ZNF85: variants seen among roughly 807,000 people sequenced by gnomAD.
ZNF85 encodes zinc finger protein 85 (HPF4, HTF1).
In ZNF85, 50 loss-of-function variants were observed where a neutral mutation model predicts 53.9. The observed-to-expected ratio is 0.93, with a 90% CI of 0.74 to 1.17. The LOEUF is 1.17. Among genes scored for constraint, ZNF85 ranks in the 50% most tolerant of loss-of-function variants. ZNF85 has a pLI of 0.00. For synonymous variants in ZNF85, 225 were observed against 226.1 expected (o/e 1.00, Z 0.04); for missense variants, 747 against 688.5 (o/e 1.08, Z -0.95).
At position 20,949,565 on chromosome 19, in the gene ZNF85, T is replaced by A. The variant is rs761015870; in HGVS notation, c.1051T>A (p.Phe351Ile). The A allele has an allele frequency of 1.0e-5, 16 of 1,598,242 alleles. No individual in the cohort carries two copies. Among genetic ancestry groups the A allele is most frequent in the Non-Finnish European group, 1.2e-5 (14 of 1,169,020 alleles). The change falls in exon 4 of 4, where the codon TTT (phenylalanine) becomes ATT (isoleucine). Residue 351 changes from phenylalanine to isoleucine, a missense_variant. By Grantham distance (21) the Phe-to-Ile change is conservative. Coordinates refer to ENST00000328178, the MANE Select transcript of ZNF85 (RefSeq NM_003429.5). The part of the protein sequence containing the change: ...PYKCKKCGKA[F>I]NQSAHLTTHE... ...CAAATGTAAAAAATGTGGAAAAGCC[T>A]TTAACCAGTCTGCACACCTTACCAC...
chr19:20,949,166 A>G lies in ZNF85; in HGVS notation c.652A>G (p.Thr218Ala). 1 of 1,613,570 alleles carries G rather than the reference A, an allele frequency of 6.2e-7. No individual in the cohort carries two copies. The highest frequency in any genetic ancestry group is 8.5e-7 in the Non-Finnish European group (1 of 1,179,750). The change falls in exon 4 of 4, where the codon ACT becomes GCT. Residue 218 changes from threonine to alanine, a missense_variant. Thr to Ala is a moderately conservative substitution (Grantham distance 58). Coordinates refer to ENST00000328178, the MANE Select transcript of ZNF85 (RefSeq NM_003429.5). ...AGCCTTTAACTGGTCCTCAACCCTT[A>G]CTAAACATAAGAGAATTCATACGGG... ...GKAFNWSSTL[T>A]KHKRIHTGEK...
chr19:20,949,618 A>C lies in ZNF85; in HGVS notation c.1104A>C (p.Lys368Asn). 1 of 1,602,560 alleles carries C rather than the reference A, an allele frequency of 6.2e-7. No individual in the cohort carries two copies. The highest frequency in any genetic ancestry group is 8.5e-7 in the Non-Finnish European group (1 of 1,172,026). The change falls in exon 4 of 4, where the codon AAA becomes AAC. Residue 368 changes from lysine (K) to asparagine (N), a missense_variant. Coordinates refer to ENST00000328178, the MANE Select transcript of ZNF85 (RefSeq NM_003429.5). Reference protein sequence around the residue: ...TTHEVIHTGEKPYKCEKCGKA... With the variant: ...TTHEVIHTGENPYKCEKCGKA... Reference sequence around the variant, plus strand: ...ATGAGGTAATTCATACTGGAGAGAAACCCTACAAATGTGAAAAATGTGGAA... The same window carrying C: ...ATGAGGTAATTCATACTGGAGAGAACCCCTACAAATGTGAAAAATGTGGAA...
intron 3 of ZNF85, chr19:20,944,397 A>G (rs1278379300): frequency 6.6e-6 from 1 of 151,382 alleles, no homozygotes; most frequent in African/African-American, 2.4e-5. Flanking sequence ...GGTAGGGGTG[A>G]TGAATACCCT....
chr19:20,937,753 G>C (rs1973193320), intron 3 of ZNF85, among the ~76,000 whole-genome samples: 1 of 152,062 alleles, frequency 6.6e-6, no homozygotes, highest in Non-Finnish European at 1.5e-5. Flanking sequence ...ACTGCTTTGG[G>C]GACCACAGTA....
intron 3 of ZNF85, among the ~76,000 whole-genome samples, chr19:20,947,345 T>C (rs1471943078): frequency 2.0e-5 from 3 of 151,806 alleles, no homozygotes; most frequent in African/African-American, 7.2e-5. Context: ...TGCACCATTA[T>C]GATAATGCTA....
intron 3 of ZNF85, among the ~76,000 whole-genome samples, chr19:20,942,235 C>T (rs1483325833): frequency 3.3e-5 from 5 of 151,760 alleles, no homozygotes; most frequent in South Asian, 2.1e-4. Context: ...GGCATAATCT[C>T]GGCTCACTGC....
Position 20,923,287 on chromosome 19 carries a change from T to A in ZNF85, c.-114T>A. 6.5e-7 allele frequency: 1 copy of A among 1,547,398 alleles called. No homozygotes were observed. Among genetic ancestry groups the A allele is most frequent in the Non-Finnish European group, 8.9e-7 (1 of 1,124,052 alleles). The stretch of plus-strand genomic sequence containing the variant: ...TCGCTGCAGCCTGAGCTCTAGGTCT[T>A]GTTTTCCCTGCTTTGTGTTTTCTGC... On this transcript the variant is annotated 5_prime_UTR_variant, in exon 1 of 4. Transcript: ENST00000328178.
chr19:20,931,356 T>G (rs1288941859), intron 1 of ZNF85, among the ~76,000 whole-genome samples: 1 of 152,220 alleles, frequency 6.6e-6, no homozygotes, highest in African/African-American at 2.4e-5. Flanking sequence ...CTCATTAGGA[T>G]TCCATGGCCA....
At position 20,947,488 on chromosome 19, in the gene ZNF85, C is replaced by CTTTTTTTTT. The variant is rs768097517; in HGVS notation, c.230-1235_230-1227dup. On this transcript the variant is annotated intron_variant, in intron 3 of 3. Transcript: ENST00000328178. ...GTAGGGCATATGCAGTGCCAATACA[C>CTTTTTTTTT]TTTTTTTTTTTTTTTTTTTTTTTTT... Among the ~76,000 whole-genome samples the CTTTTTTTTT allele has an allele frequency of 1.7e-4, 9 of 51,636 alleles. 1 individual carries two copies. Among genetic ancestry groups the CTTTTTTTTT allele is most frequent in the South Asian group, 1.7e-3 (2 of 1,144 alleles). 33.9% of individuals were successfully genotyped at this position (51,636 alleles called of 152,430 possible). A position where few individuals can be genotyped will look rare whatever the true frequency, so the allele number is the denominator to read the frequency against.
chr19:20,945,182 CAATTT>C (rs1973390624), intron 3 of ZNF85, among the ~76,000 whole-genome samples: 1 of 151,998 alleles, frequency 6.6e-6, no homozygotes, highest in African/African-American at 2.4e-5. Flanking sequence ...TGTAAATATT[CAATTT>C]AGTGATCTTA....
intron 3 of ZNF85, chr19:20,946,525 A>G (rs1227305212): frequency 5.2e-6 from 1 of 192,732 alleles, no homozygotes; most frequent in Non-Finnish European, 1.0e-5. Flanking sequence ...GATTCTGTCA[A>G]TATTTGTTTT....
intron 1 of ZNF85, 42 bp from the exon 2 acceptor site, chr19:20,933,982 T>C: frequency 6.7e-7 from 1 of 1,489,942 alleles, no homozygotes; most frequent in South Asian, 1.2e-5. Flanking sequence ...TGTGTGTGTG[T>C]GTGTGTGTGT....
At chr19:20,927,399 G>A (rs1972904310) in intron 1 of ZNF85, 1 of 151,680 alleles carries the variant, frequency 6.6e-6, no homozygotes, top group Non-Finnish European at 1.5e-5. Flanking sequence ...GTTGTTGTGA[G>A]CTGTTATCAC....
In ZNF85 at chr19:20,949,247, C is replaced by T. The variant is rs779477675; in HGVS notation, c.733C>T (p.Leu245Phe). The part of the protein sequence containing the change: ...CGKAFNQSSN[L>F]IKHKKIHTGE... ...TAAAGCCTTTAACCAGTCCTCAAAC[C>T]TTATTAAACATAAGAAAATTCATAC... Residue 245 changes from leucine (L) to phenylalanine (F), a missense_variant, in exon 4 of 4, where the codon CTT becomes TTT. Physicochemically the swap from Leu to Phe is conservative, Grantham distance 22. Transcript: ENST00000328178. 1 of 1,612,868 alleles carries T rather than the reference C, an allele frequency of 6.2e-7. No homozygotes were observed. Among genetic ancestry groups the T allele is most frequent in the Non-Finnish European group, 8.5e-7 (1 of 1,179,538 alleles).
rs750438038 is a variant in ZNF85, at chr19:20,948,998, A to G, written c.484A>G (p.Asn162Asp). 1.2e-6 allele frequency: 2 copies of G among 1,613,514 alleles called. No homozygotes were observed. The highest frequency in any genetic ancestry group is 3.3e-5 in the Admixed American group (2 of 59,952). ...AGTCGCTCATAAATTTTCAAATTCA[A>G]ACAGACATGAGATAAGACATACTAA... ...VKVAHKFSNSNRHEIRHTKKK... is the reference protein window; with the variant it reads ...VKVAHKFSNSDRHEIRHTKKK... Residue 162 changes from asparagine (N) to aspartate (D), a missense_variant, in exon 4 of 4, where the codon AAC (asparagine) becomes GAC (aspartate). Transcript: ENST00000328178.
chr19:20,923,633 C>T (rs1183434049), intron 1 of ZNF85, among the ~76,000 whole-genome samples: 1 of 152,194 alleles, frequency 6.6e-6, no homozygotes, highest in Admixed American at 6.5e-5. Flanking sequence ...TGGACTGGAG[C>T]CCTCTCTGGG....
Position 20,948,878 on chromosome 19 carries a change from G to A in ZNF85, c.364G>A (p.Asp122Asn), listed in dbSNP as rs760362494. The change falls in exon 4 of 4, where the codon GAT (aspartate) becomes AAT (asparagine). Residue 122 changes from aspartate to asparagine, a missense_variant. Transcript: ENST00000328178. ...ATTAAGAAAAGGCTGTGAAAGTATG[G>A]ATGAGTGTAAGATGCACAAAGGAGG... The part of the protein sequence containing the change: ...LPLRKGCESM[D>N]ECKMHKGGCN... The A allele has an allele frequency of 6.2e-7, 1 of 1,613,584 alleles. No homozygotes were observed. Among genetic ancestry groups the A allele is most frequent in the Non-Finnish European group, 8.5e-7 (1 of 1,179,744 alleles).
At chr19:20,924,013 A>T (rs1430103837) in intron 1 of ZNF85, among the ~76,000 whole-genome samples, 1 of 149,872 alleles carries the variant, frequency 6.7e-6, no homozygotes, top group Admixed American at 6.7e-5. Context: ...TGAACCCGGG[A>T]GGCGGAGGTT....
In ZNF85 at chr19:20,923,415, A is replaced by T; in HGVS notation, c.3+12A>T. ...GAAGCCTAGAAATGGTGAGAGTGCC[A>T]GGTCCGCCATCCCGAGGGGGAAAGG... On this transcript the variant is annotated intron_variant, in intron 1 of 3. Coordinates refer to ENST00000328178, the MANE Select transcript of ZNF85 (RefSeq NM_003429.5). 5 of 1,614,054 alleles carry T rather than the reference A, an allele frequency of 3.1e-6. No homozygotes were observed. The highest frequency in any genetic ancestry group is 4.2e-6 in the Non-Finnish European group (5 of 1,179,966).
Sources: gnomAD v4.1 joint callset for allele counts (sites outside exome capture counted in the v4.1 genomes callset) on GRCh38, gnomAD v4.1.1 for gene constraint, MANE v1.5 for transcripts, NCBI Gene and HGNC (gene_info 2026-07-23, HGNC 2026-07-21) for gene names.